The following CELF2 variants were observed in gnomAD, a reference collection of about 807,000 sequenced individuals.
CELF2 encodes the protein CUG triplet repeat RNA-binding protein 2.
CELF2 carries 8 observed loss-of-function variants against 62.6 expected under a neutral mutation model. The ratio of observed to expected loss-of-function variants is 0.13; its 90% CI spans 0.07 to 0.23. CELF2 has a LOEUF of 0.23. CELF2 is among the 10% of genes least tolerant of loss of function. The pLI, the probability that CELF2 is intolerant of heterozygous loss-of-function variation, is 1.00. For missense variants in CELF2, 333 were observed against 671.0 expected (o/e 0.50, Z 5.56); for synonymous variants, 258 against 250.0 (o/e 1.03, Z -0.30).
At chr10:11,225,412 A>G (rs962258277) in intron 3 of CELF2, among the ~76,000 whole-genome samples, 3 of 152,250 alleles carry the variant, frequency 2.0e-5, no homozygotes, top group African/African-American at 7.2e-5. Context: ...CCAATCTTGC[A>G]AAACTCTTCT....
the CELF2 span, among the ~76,000 whole-genome samples, chr10:10,528,669 T>C: frequency 6.6e-6 from 1 of 152,186 alleles, no homozygotes; most frequent in Admixed American, 6.5e-5. Context: ...TGACCGCTCA[T>C]CCTGCAGAAG....
rs1302589374 is a variant in CELF2 at position 10,869,863 on chromosome 10, C to T, written c.54-50101C>T. 3.3e-5 allele frequency among the ~76,000 whole-genome samples: 5 copies of T among 152,202 alleles called. No homozygotes were observed. In the East Asian group the frequency reaches 9.6e-4, roughly 29 times the overall value. On this transcript the variant is annotated intron_variant, in intron 1 of 13. Coordinates refer to the CELF2 transcript ENST00000636488. ...GAATGCGGTGACATGTTTCTTTGGT[C>T]CCAGCTACTCTGAAGGCTGAGAGGA...
chr10:10,528,392 C>T, the CELF2 span, among the ~76,000 whole-genome samples: 5 of 152,160 alleles, frequency 3.3e-5, no homozygotes, highest in African/African-American at 1.2e-4. Flanking sequence ...TTGCTGTTGA[C>T]ATTTAATGCT....
the CELF2 span, among the ~76,000 whole-genome samples, chr10:10,516,100 G>A: frequency 6.6e-6 from 1 of 152,130 alleles, no homozygotes; most frequent in Non-Finnish European, 1.5e-5. Context: ...GCGTTTGCTA[G>A]GCTGAGAAAA....
At chr10:10,899,155 G>A (rs2134062714) in intron 1 of CELF2, among the ~76,000 whole-genome samples, 1 of 152,226 alleles carries the variant, frequency 6.6e-6, no homozygotes. Context: ...AATTACTTCA[G>A]CTTCCACATT....
chr10:10,809,118 A>G (rs1203389025), intron 1 of CELF2, among the ~76,000 whole-genome samples: 1 of 152,154 alleles, frequency 6.6e-6, no homozygotes, highest in Non-Finnish European at 1.5e-5. Context: ...TGACGGGATT[A>G]GTATCCTTAA....
chr10:11,251,005 C>T (rs375888711), intron 4 of CELF2, among the ~76,000 whole-genome samples: 6 of 152,196 alleles, frequency 3.9e-5, no homozygotes, highest in South Asian at 4.1e-4. Context: ...GTGGGAGACA[C>T]GAGAGATGAC....
At chr10:10,478,072 A>G in the CELF2 span, among the ~76,000 whole-genome samples, 1 of 152,206 alleles carries the variant, frequency 6.6e-6, no homozygotes, top group Non-Finnish European at 1.5e-5. Context: ...CGGATTCTAT[A>G]TAAACAGTTT....
chr10:11,160,809 G>A (rs376727095), intron 1 of CELF2, among the ~76,000 whole-genome samples: 4 of 151,982 alleles, frequency 2.6e-5, no homozygotes, highest in South Asian at 4.1e-4. Flanking sequence ...TTTAGCATTC[G>A]TATAATAATT....
intron 4 of CELF2, among the ~76,000 whole-genome samples, chr10:11,253,777 A>T (rs941988839): frequency 4.6e-5 from 7 of 152,142 alleles, no homozygotes; most frequent in African/African-American, 1.4e-4. Flanking sequence ...GCTGGTGTGG[A>T]ACCCCTTTTG....
At chr10:10,499,716 A>G in the CELF2 span, among the ~76,000 whole-genome samples, 2 of 152,158 alleles carry the variant, frequency 1.3e-5, no homozygotes, top group African/African-American at 2.4e-5. Context: ...TATCTCCACT[A>G]AGAATACAAA....
Position 10,938,970 on chromosome 10 carries a change from C to T in CELF2, c.89+18971C>T, listed in dbSNP as rs2046717864. ...GCTCCTGCAGCAGCAAAATCCCTCT[C>T]TGAAAGTCAGAAAGCCTGAGATCCA... is the stretch of plus-strand genomic sequence containing the variant. On this transcript the variant is annotated intron_variant, in intron 2 of 13. Coordinates refer to the CELF2 transcript ENST00000636488. The surrounding 1 kb of genome is among the most constrained non-coding windows in gnomAD (Gnocchi z 4.2). 6.6e-6 allele frequency among the ~76,000 whole-genome samples: 1 copy of T among 152,220 alleles called. No homozygotes were observed. Among genetic ancestry groups the T allele is most frequent in the Non-Finnish European group, 1.5e-5 (1 of 68,038 alleles).
At chr10:10,663,390 A>G in the CELF2 span, among the ~76,000 whole-genome samples, 1 of 152,230 alleles carries the variant, frequency 6.6e-6, no homozygotes, top group Non-Finnish European at 1.5e-5. Context: ...AATCCAGGAT[A>G]TTCATACACT....
intron 4 of CELF2, among the ~76,000 whole-genome samples, chr10:11,256,795 A>T (rs989817195): frequency 7.2e-5 from 11 of 152,030 alleles, no homozygotes; most frequent in African/African-American, 9.7e-5. Context: ...GATTTTGAGG[A>T]AAATCTCCCG....
the CELF2 span, among the ~76,000 whole-genome samples, chr10:10,673,719 T>C: frequency 6.6e-6 from 1 of 152,170 alleles, no homozygotes; most frequent in South Asian, 2.1e-4. Context: ...ATCCCACACA[T>C]TTTGATAAGC....
rs557489512 is a variant in CELF2, at chr10:11,110,915, A to G, written c.75-54571A>G. Reference sequence around the variant, plus strand: ...AACGCAGCACTGCAATGAGCATTTTATTGAATTCTTTCAAAACTGGAATTA... The same window carrying G: ...AACGCAGCACTGCAATGAGCATTTTGTTGAATTCTTTCAAAACTGGAATTA... On this transcript the variant is annotated intron_variant, in intron 1 of 12. Transcript: ENST00000633077. The surrounding 1 kb of genome is among the most constrained non-coding windows in gnomAD (Gnocchi z 4.0). Among the ~76,000 whole-genome samples the G allele has an allele frequency of 2.3e-4, 35 of 152,260 alleles. 1 individual carries two copies. The highest frequency in any genetic ancestry group is 2.1e-4 in the South Asian group (1 of 4,822).
the CELF2 span, among the ~76,000 whole-genome samples, chr10:10,542,736 C>T: frequency 6.6e-6 from 1 of 152,128 alleles, no homozygotes; most frequent in East Asian, 1.9e-4. Context: ...AGTCATTGAC[C>T]AAGCCCTAGC....
chr10:10,772,314 T>C, the CELF2 span, among the ~76,000 whole-genome samples: 7 of 152,232 alleles, frequency 4.6e-5, no homozygotes, highest in African/African-American at 2.4e-5. Flanking sequence ...GTGAATCTTT[T>C]GAGCTCTCTA....
intron 4 of CELF2, among the ~76,000 whole-genome samples, chr10:11,251,270 A>ATTTTTTTTTTTTTTT (rs66615560): frequency 3.2e-5 from 2 of 63,300 alleles, no homozygotes; most frequent in Admixed American, 2.7e-4. Context: ...ACACAAAGGG[A>ATTTTTTTTTTTTTTT]TTTTTTTTTT....
Sources: gnomAD v4.1 joint callset for allele counts (sites outside exome capture counted in the v4.1 genomes callset) on GRCh38, gnomAD v4.1.1 for gene constraint, Gnocchi (gnomAD v3.1) non-coding constraint, MANE v1.5 for transcripts, NCBI Gene and HGNC (gene_info 2026-07-23, HGNC 2026-07-21) for gene names.